Variants in ADGRL1 observed in about 807,000 individuals in gnomAD.
ADGRL1 encodes the protein CIRL-1.
ADGRL1 carries 31 observed loss-of-function variants against 148.9 expected under a neutral mutation model. The ratio of observed to expected loss-of-function variants is 0.21; its 90% confidence interval spans 0.16 to 0.28. The LOEUF (loss-of-function observed/expected upper bound fraction) is 0.28. Ranked by LOEUF, ADGRL1 falls within the 10% of genes least tolerant of loss-of-function variation. The probability of loss-of-function intolerance (pLI) is 1.00; values close to 1 mark genes in which losing one functional copy is unlikely to be tolerated. For missense variants in ADGRL1, 1,521 were observed against 2,058.8 expected, an observed-to-expected ratio of 0.74 and a Z score of 5.05; for synonymous variants, 937 against 900.3, an observed-to-expected ratio of 1.04 and a Z score of -0.73.
Position 14,162,577 on chromosome 19 carries a change from C to A in ADGRL1, c.1195+29G>T. The A allele has an allele frequency of 6.4e-7, 1 of 1,571,628 alleles. No homozygotes were observed. On this transcript the variant is annotated intron_variant, in intron 5 of 22. Coordinates refer to ENST00000361434, the MANE Select transcript of ADGRL1 (RefSeq NM_014921.5). The surrounding 1 kb of genome is among the most constrained non-coding windows in gnomAD (Gnocchi z 5.4). ...GGTGGAGGGGACAAAGGCAAGCAGG[C>A]TCCATGCCTGGAAGTGAGTCGTCCT... is the stretch of plus-strand genomic sequence containing the variant.
Position 14,159,030 on chromosome 19 carries a change from A to G in ADGRL1, c.2149+60T>C. ...ACAAATGGCACAGAGACGCTGGCACAGAGCTGGGGGGTGGGGGTGGGGCTG... is the reference window on the plus strand; with the variant it reads ...ACAAATGGCACAGAGACGCTGGCACGGAGCTGGGGGGTGGGGGTGGGGCTG... On this transcript the variant is annotated intron_variant, in intron 11 of 22. Transcript: ENST00000361434. The surrounding 1 kb of genome is among the most constrained non-coding windows in gnomAD (Gnocchi z 6.0). 8 of 1,578,236 alleles carry G rather than the reference A, an allele frequency of 5.1e-6. No homozygotes were observed. The highest frequency in any genetic ancestry group is 6.1e-6 in the Non-Finnish European group (7 of 1,153,878).
intron 1 of ADGRL1, among the ~76,000 whole-genome samples, chr19:14,200,206 G>A (rs996734492): frequency 3.9e-5 from 6 of 152,242 alleles, no homozygotes; most frequent in African/African-American, 1.4e-4. Flanking sequence ...GCTGGACCGT[G>A]CCTATATGTT....
intron 4 of ADGRL1, chr19:14,166,893 A>G: frequency 9.8e-7 from 1 of 1,016,446 alleles, no homozygotes; most frequent in Non-Finnish European, 1.5e-6. Context: ...GGTGGGGGAT[A>G]CCGACCGGAC....
intron 1 of ADGRL1, among the ~76,000 whole-genome samples, chr19:14,189,440 G>A (rs1470648000): frequency 6.6e-6 from 1 of 152,070 alleles, no homozygotes; most frequent in African/African-American, 2.4e-5. Context: ...ATGTTGCCTA[G>A]GCTGGCCTCA....
At chr19:14,193,197 G>T (rs1297451099) in intron 1 of ADGRL1, among the ~76,000 whole-genome samples, 1 of 150,996 alleles carries the variant, frequency 6.6e-6, no homozygotes, top group South Asian at 2.1e-4. Context: ...GGTGTCCCCC[G>T]GGAGACCCAG....
At position 14,151,442 on chromosome 19, in the gene ADGRL1, A is replaced by G. The variant is rs1167426077; in HGVS notation, c.3841T>C (p.Ser1281Pro). ...CGCAGGTTGTTGTGCACCAGCTCTG[A>G]GATGATCATCTTCTCAAAGGCCGCC... ...DAAAFEKMII[S>P]ELVHNNLRGS... is the part of the protein sequence containing the mutation. The change falls in exon 23 of 23, where the codon TCA (serine) becomes CCA (proline). Residue 1281 changes from serine (S) to proline (P), a missense_variant. Physicochemically the swap from Ser to Pro is moderately conservative, Grantham distance 74. Coordinates refer to ENST00000361434, the MANE Select transcript of ADGRL1 (RefSeq NM_014921.5). 6.2e-7 allele frequency: 1 copy of G among 1,612,778 alleles called. No individual in the cohort carries two copies. The highest frequency in any genetic ancestry group is 1.3e-5 in the African/African-American group (1 of 74,890).
intron 4 of ADGRL1, 164 bp downstream of exon 4, chr19:14,170,517 TG>T: frequency 1.8e-6 from 1 of 562,584 alleles, no homozygotes; most frequent in East Asian, 3.1e-5. Context: ...GTGTGGACAC[TG>T]GTGTCTGGGA....
In ADGRL1 at chr19:14,152,261, C is replaced by T. The variant is rs1489402976; in HGVS notation, c.3649+48G>A. On this transcript the variant is annotated intron_variant, in intron 21 of 22. Transcript: ENST00000361434. The surrounding 1 kb of genome is among the most constrained non-coding windows in gnomAD (Gnocchi z 6.1). ...CATCCCATGCAGAGGTCCCTTGGGA[C>T]ACAAACCCTCCATTTCCCAACCTGG... 6.2e-7 allele frequency: 1 copy of T among 1,610,978 alleles called. No individual in the cohort carries two copies. The highest frequency in any genetic ancestry group is 1.7e-5 in the Admixed American group (1 of 59,794).
chr19:14,192,011 T>G (rs1944363431), intron 1 of ADGRL1, among the ~76,000 whole-genome samples: 1 of 152,108 alleles, frequency 6.6e-6, no homozygotes, highest in African/African-American at 2.4e-5. Flanking sequence ...CTCTTCTTAT[T>G]GGGATACCAG....
At chr19:14,187,582 T>G (rs1226498654) in intron 1 of ADGRL1, among the ~76,000 whole-genome samples, 1 of 33,034 alleles carries the variant, frequency 3.0e-5, no homozygotes, top group Admixed American at 3.2e-4. Flanking sequence ...CCCAGCTACC[T>G]CCAGCCCCCA....
At chr19:14,154,050 G>A (rs1234569140) in intron 18 of ADGRL1, among the ~76,000 whole-genome samples, 1 of 152,116 alleles carries the variant, frequency 6.6e-6, no homozygotes, top group Non-Finnish European at 1.5e-5. Context: ...TCCACATCTA[G>A]GTGTCTGAGA....
Position 14,151,185 on chromosome 19 carries a change from G to C in ADGRL1, c.4098C>G (p.Thr1366=), listed in dbSNP as rs772649282. The change falls in exon 23 of 23, where the codon ACC becomes ACG. Residue 1366 remains threonine, a synonymous_variant. Transcript: ENST00000361434. The stretch of plus-strand genomic sequence containing the variant: ...CAGGAGGGGAGGAGAGGGGCCGGCT[G>C]GTGGCGCCGTCCTCGGCCGTGCAGC... ...SESCTAEDGA[T]SRPLSSPPGR... 6.2e-7 allele frequency: 1 copy of C among 1,610,566 alleles called. No individual in the cohort carries two copies. Among genetic ancestry groups the C allele is most frequent in the Non-Finnish European group, 8.5e-7 (1 of 1,179,292 alleles).
chr19:14,165,257 G>A (rs1300866223), intron 4 of ADGRL1, among the ~76,000 whole-genome samples: 1 of 152,196 alleles, frequency 6.6e-6, no homozygotes, highest in Non-Finnish European at 1.5e-5. Flanking sequence ...CCTGGCTTGG[G>A]CCCTGGGGAC....
chr19:14,191,396 A>T (rs1050338150), intron 1 of ADGRL1: 4 of 456,622 alleles, frequency 8.8e-6, no homozygotes, highest in African/African-American at 8.0e-5. Flanking sequence ...GCAGCTGTGC[A>T]ACAGGACAAA....
intron 1 of ADGRL1, chr19:14,191,501 A>G: frequency 2.2e-6 from 1 of 456,070 alleles, no homozygotes; most frequent in Non-Finnish European, 4.4e-6. Flanking sequence ...TCGGGCTGCC[A>G]TAACAAAGTG....
intron 1 of ADGRL1, among the ~76,000 whole-genome samples, chr19:14,185,319 G>A (rs1002244587): frequency 2.6e-5 from 4 of 151,576 alleles, no homozygotes; most frequent in African/African-American, 9.7e-5. Flanking sequence ...TAAGAGACAG[G>A]GTCTTGCTCT....
chr19:14,166,485 C>G (rs919396578), intron 4 of ADGRL1, among the ~76,000 whole-genome samples: 1 of 151,978 alleles, frequency 6.6e-6, no homozygotes, highest in African/African-American at 2.4e-5. Context: ...ACAATGGTGT[C>G]CCCTCCAGCC....
chr19:14,204,694 TAGAGAAAGACAGAGAGAGTGA>T, intron 1 of ADGRL1, among the ~76,000 whole-genome samples: 1 of 130,734 alleles, frequency 7.6e-6, no homozygotes, highest in Non-Finnish European at 1.6e-5. Context: ...CAGAGAGAGA[TAGAGAAAGACAGAGAGAGTGA>T]GAGAGAGAGA....
chr19:14,156,818 G>C, intron 15 of ADGRL1, 94 bp from the exon 16 acceptor site: 2 of 1,517,024 alleles, frequency 1.3e-6, no homozygotes, highest in Admixed American at 1.9e-5. Flanking sequence ...TGCAGCCTCT[G>C]GGATCAGGAG....
Sources: gnomAD v4.1 joint callset for allele counts (sites outside exome capture counted in the v4.1 genomes callset) on GRCh38, gnomAD v4.1.1 for gene constraint, Gnocchi (gnomAD v3.1) non-coding constraint, MANE v1.5 for transcripts, NCBI Gene and HGNC (gene_info 2026-07-23, HGNC 2026-07-21) for gene names.